The following ASXL3 variants were observed in gnomAD, a reference collection of about 807,000 sequenced individuals.
The protein encoded by ASXL3 is ASXL transcriptional regulator 3, also known as putative Polycomb group protein ASXL3.
Under a neutral mutation model 170.6 loss-of-function variants are expected in ASXL3, and 34 were observed. The observed-to-expected ratio is 0.20, with a 90% confidence interval of 0.15 to 0.27. The LOEUF is 0.27. Ranked by LOEUF, ASXL3 falls within the 10% of genes least tolerant of loss-of-function variation. The pLI is 1.00. For synonymous variants in ASXL3, 1,002 were observed against 989.1 expected (o/e 1.01, Z -0.24); for missense variants, 2,592 against 2,695.3 (o/e 0.96, Z 0.85).
rs745331046 is a variant in ASXL3, at chr18:33,578,704, ACGCCGCCCG to A, written c.54+24_54+32del. 40 of 1,203,668 alleles carry A rather than the reference ACGCCGCCCG, an allele frequency of 3.3e-5. No homozygotes were observed. Among genetic ancestry groups the A allele is most frequent in the Non-Finnish European group, 3.7e-5 (35 of 948,668 alleles). 74.6% of individuals were successfully genotyped at this position (1,203,668 alleles called of 1,614,324 possible). On this transcript the variant is annotated intron_variant, in intron 1 of 11. Coordinates refer to ENST00000269197, the MANE Select transcript of ASXL3 (RefSeq NM_030632.3). Reference sequence around the variant, plus strand: ...CCGCCTGGTACGTACCGCCCCCCACACGCCGCCCGCGCCTCCCGCCGGCCCCGCCGCTCG... The same window carrying A: ...CCGCCTGGTACGTACCGCCCCCCACACGCCTCCCGCCGGCCCCGCCGCTCG...
intron 5 of ASXL3, among the ~76,000 whole-genome samples, chr18:33,665,549 A>C (rs1412644726): frequency 6.6e-6 from 1 of 152,196 alleles, no homozygotes; most frequent in East Asian, 1.9e-4. Context: ...GAGTTACTGC[A>C]TTCGATGCAT....
Position 33,746,682 on chromosome 18 carries a change from C to T in ASXL3, c.*87C>T, listed in dbSNP as rs2067800724. The T allele has an allele frequency of 6.8e-7, 1 of 1,477,348 alleles. No homozygotes were observed. The highest frequency in any genetic ancestry group is 1.4e-5 in the African/African-American group (1 of 71,394). 91.5% of individuals were successfully genotyped at this position (1,477,348 alleles called of 1,614,324 possible). A position where few individuals can be genotyped will look rare whatever the true frequency, so the allele number is the denominator to read the frequency against. On this transcript the variant is annotated 3_prime_UTR_variant, in exon 12 of 12. Transcript: ENST00000269197. Reference sequence around the variant, plus strand: ...AACAAATAGAATAATGCAGTGGTTTCTATCATGCTAATTTATTTTGCTTTG... The same window carrying T: ...AACAAATAGAATAATGCAGTGGTTTTTATCATGCTAATTTATTTTGCTTTG...
At chr18:33,606,991 C>T (rs1324898971) in intron 1 of ASXL3, among the ~76,000 whole-genome samples, 2 of 151,884 alleles carry the variant, frequency 1.3e-5, no homozygotes, top group Non-Finnish European at 2.9e-5. Flanking sequence ...GAGAATGGGA[C>T]TGAGTTCATA....
chr18:33,738,427 C>T (rs940523594), intron 10 of ASXL3, 60 bp from the exon 11 acceptor site: 4 of 1,456,472 alleles, frequency 2.7e-6, no homozygotes, highest in Non-Finnish European at 2.8e-6. Flanking sequence ...CATGAGAGAT[C>T]CCAGTTGTAC....
intron 10 of ASXL3, among the ~76,000 whole-genome samples, chr18:33,736,504 C>T (rs1393800357): frequency 1.3e-5 from 2 of 151,946 alleles, no homozygotes; most frequent in South Asian, 4.1e-4. Flanking sequence ...TTTATTCCCC[C>T]ACCACCAGCC....
intron 8 of ASXL3, among the ~76,000 whole-genome samples, chr18:33,709,309 AAAAAACAAC>A (rs1223977405): frequency 6.6e-6 from 1 of 151,906 alleles, no homozygotes; most frequent in Admixed American, 6.6e-5. Flanking sequence ...ACCAAAAAAA[AAAAAACAAC>A]AAAAACATGA....
chr18:33,686,211 G>A (rs140742256), intron 8 of ASXL3, among the ~76,000 whole-genome samples: 5 of 152,276 alleles, frequency 3.3e-5, no homozygotes, highest in African/African-American at 1.2e-4. Context: ...TATTTACTGA[G>A]CATGTGTTGT....
At chr18:33,742,218 A>AG (rs2145421234) in intron 11 of ASXL3, among the ~76,000 whole-genome samples, 2 of 152,352 alleles carry the variant, frequency 1.3e-5, no homozygotes, top group East Asian at 3.9e-4. Context: ...AGCCCTTTGA[A>AG]GGAAATAGAT....
chr18:33,681,094 A>C (rs1021057763), intron 7 of ASXL3, among the ~76,000 whole-genome samples: 4 of 151,922 alleles, frequency 2.6e-5, no homozygotes, highest in African/African-American at 9.7e-5. Flanking sequence ...GAACTAGTTC[A>C]TATCTCTCTT....
intron 1 of ASXL3, among the ~76,000 whole-genome samples, chr18:33,599,787 C>G (rs2065165093): frequency 6.6e-6 from 1 of 152,110 alleles, no homozygotes; most frequent in African/African-American, 2.4e-5. Flanking sequence ...CTGGATTAAA[C>G]AAACACTAGT....
chr18:33,606,482 A>T (rs1291716961), intron 1 of ASXL3, among the ~76,000 whole-genome samples: 2 of 151,996 alleles, frequency 1.3e-5, no homozygotes, highest in East Asian at 3.9e-4. Flanking sequence ...CAGAGCCTTC[A>T]CTTGTGAATC....
At chr18:33,609,399 A>G (rs867441585) in intron 2 of ASXL3, among the ~76,000 whole-genome samples, 35 of 151,976 alleles carry the variant, frequency 2.3e-4, no homozygotes, top group African/African-American at 8.5e-4. Context: ...ATTCTTCTCC[A>G]CAGGAATGAC....
At chr18:33,689,646 C>T (rs184886250) in intron 8 of ASXL3, among the ~76,000 whole-genome samples, 4 of 152,286 alleles carry the variant, frequency 2.6e-5, no homozygotes, top group East Asian at 1.9e-4. Flanking sequence ...AATGATGTTG[C>T]GTTCTTCTTG....
At position 33,749,761 on chromosome 18, in the gene ASXL3, G is replaced by T. The variant is rs559334002; in HGVS notation, c.*3166G>T. 1 of 152,242 alleles carries T rather than the reference G, an allele frequency of 6.6e-6. No homozygotes were observed. The highest frequency in any genetic ancestry group is 1.9e-4 in the East Asian group (1 of 5,174). The allele number at this position is 152,242 out of a possible 1,614,324, so 9.4% of individuals were successfully genotyped here. ...AACTTGAAAACAAACCTATGAGGTT[G>T]AGCCTGGTTGCTATAAAGACTTTGG... On this transcript the variant is annotated 3_prime_UTR_variant, in exon 12 of 12. Coordinates refer to ENST00000269197, the MANE Select transcript of ASXL3 (RefSeq NM_030632.3).
intron 2 of ASXL3, among the ~76,000 whole-genome samples, chr18:33,633,843 C>CAA (rs59859337): frequency 5.0e-4 from 43 of 86,814 alleles, no homozygotes; most frequent in Non-Finnish European, 6.9e-4. Context: ...GACTCCATCT[C>CAA]AAAAAAAAAA....
At chr18:33,695,547 G>A (rs1015673936) in intron 8 of ASXL3, among the ~76,000 whole-genome samples, 5 of 152,022 alleles carry the variant, frequency 3.3e-5, no homozygotes, top group African/African-American at 7.2e-5. Flanking sequence ...GATATTTAAC[G>A]TCAAATCCTG....
chr18:33,731,555 C>T (rs139682083), intron 8 of ASXL3, among the ~76,000 whole-genome samples: 257 of 152,244 alleles, frequency 1.7e-3, no homozygotes, highest in Non-Finnish European at 3.0e-3. Context: ...ATATATTCTC[C>T]GAGCTTTTAC....
chr18:33,584,124 C>T (rs891616258), intron 1 of ASXL3, among the ~76,000 whole-genome samples: 13 of 152,032 alleles, frequency 8.6e-5, no homozygotes, highest in African/African-American at 3.1e-4. Context: ...TTGGTTTGGC[C>T]TTGAAATATG....
At chr18:33,688,571 AGT>A (rs1435088815) in intron 8 of ASXL3, among the ~76,000 whole-genome samples, 1 of 152,142 alleles carries the variant, frequency 6.6e-6, no homozygotes, top group Non-Finnish European at 1.5e-5. Flanking sequence ...ATTTGTGGAG[AGT>A]GTGGATAAAA....
Sources: gnomAD v4.1 joint callset for allele counts (sites outside exome capture counted in the v4.1 genomes callset) on GRCh38, gnomAD v4.1.1 for gene constraint, MANE v1.5 for transcripts, NCBI Gene and HGNC (gene_info 2026-07-23, HGNC 2026-07-21) for gene names.